The following MORN3 variants were observed in gnomAD, a reference collection of about 807,000 sequenced individuals.
MORN3 encodes MORN repeat containing 3.
MORN3 carries 38 observed loss-of-function variants against 34.7 expected under a neutral mutation model. The ratio of observed to expected loss-of-function variants is 1.10; its 90% CI spans 0.85 to 1.44. The LOEUF (loss-of-function observed/expected upper bound fraction) is 1.44, where lower values mean the gene tolerates loss of function less well. MORN3 is among the 40% of genes most tolerant of loss of function. The pLI is 0.00. For synonymous variants in MORN3, 109 were observed against 115.3 expected (o/e 0.95, Z 0.35); for missense variants, 311 against 321.7 (o/e 0.97, Z 0.25).
intron 1 of MORN3, among the ~76,000 whole-genome samples, chr12:121,668,990 C>T (rs55642824): frequency 0.054 from 8,198 of 152,188 alleles, 499 homozygotes; most frequent in African/African-American, 0.15. Flanking sequence ...TGCAAGCTGG[C>T]TTCAGGGGCG....
Position 121,654,180 on chromosome 12 carries a change from G to A in MORN3, c.463+94C>T, listed in dbSNP as rs569097085. ...GGTCAGTGTGGGACAAGAGTGTGGG[G>A]TGTGGCCTGTCTCTGTGGGACCAAA... On this transcript the variant is annotated intron_variant, in intron 3 of 5. Coordinates refer to ENST00000355329, the MANE Select transcript of MORN3 (RefSeq NM_173855.5). 4.0e-6 allele frequency: 4 copies of A among 1,010,252 alleles called. No homozygotes were observed. The East Asian group carries it at 8.0e-5, about 20-fold the overall frequency. 62.6% of individuals were successfully genotyped at this position (1,010,252 alleles called of 1,614,324 possible).
At chr12:121,654,485 AAG>A in intron 2 of MORN3, 52 bp from the exon 3 acceptor site, 11 of 1,510,264 alleles carry the variant, frequency 7.3e-6, no homozygotes, top group Non-Finnish European at 9.8e-6. Context: ...ACCACCAGGA[AAG>A]CCCACCGTCT....
At position 121,669,635 on chromosome 12, in the gene MORN3, G is replaced by A. The variant is rs1791321168; in HGVS notation, c.-152C>T. 1.8e-6 allele frequency: 2 copies of A among 1,088,208 alleles called. No individual in the cohort carries two copies. The highest frequency in any genetic ancestry group is 1.6e-5 in the African/African-American group (1 of 63,878). 67.4% of individuals were successfully genotyped at this position (1,088,208 alleles called of 1,614,324 possible). A position where few individuals can be genotyped will look rare whatever the true frequency, so the allele number is the denominator to read the frequency against. On this transcript the variant is annotated 5_prime_UTR_variant, in exon 1 of 6. Coordinates refer to ENST00000355329, the MANE Select transcript of MORN3 (RefSeq NM_173855.5). ...GGGGCAGGTGAACAGCCCTTAGTGG[G>A]GATCCTTTAGTGCTGGACTGACCTT...
chr12:121,662,973 G>A (rs369471347), intron 1 of MORN3, among the ~76,000 whole-genome samples: 9 of 151,904 alleles, frequency 5.9e-5, no homozygotes, highest in South Asian at 4.2e-4. Context: ...GCAACAGAGC[G>A]GGACTCCGTC....
intron 2 of MORN3, 127 bp downstream of exon 2, chr12:121,659,064 T>A: frequency 7.9e-7 from 1 of 1,264,200 alleles, no homozygotes; most frequent in Non-Finnish European, 1.1e-6. Flanking sequence ...AGCACAACCC[T>A]GTCCTCCTCC....
intron 3 of MORN3, 95 bp from the exon 4 acceptor site, chr12:121,653,354 A>C: frequency 3.1e-6 from 4 of 1,302,496 alleles, no homozygotes; most frequent in Non-Finnish European, 4.2e-6. Flanking sequence ...AAATCCTAAC[A>C]CATTGGGAGG....
chr12:121,653,804 C>CT (rs201648626), intron 3 of MORN3, among the ~76,000 whole-genome samples: 19 of 151,734 alleles, frequency 1.3e-4, no homozygotes, highest in East Asian at 3.9e-4. Flanking sequence ...CTGCGCCTGG[C>CT]TTTTTTTTTA....
chr12:121,663,518 G>A (rs1366052359), intron 1 of MORN3, among the ~76,000 whole-genome samples: 2 of 152,086 alleles, frequency 1.3e-5, no homozygotes, highest in Non-Finnish European at 2.9e-5. Flanking sequence ...AGACTTTTAA[G>A]AAAATATCTT....
At chr12:121,658,383 G>C (rs1305967765) in intron 2 of MORN3, among the ~76,000 whole-genome samples, 1 of 151,894 alleles carries the variant, frequency 6.6e-6, no homozygotes, top group East Asian at 1.9e-4. Context: ...TGGCTAACAC[G>C]GTGAAACCCC....
intron 4 of MORN3, 50 bp from the exon 5 acceptor site, chr12:121,652,858 C>T (rs376599992): frequency 4.4e-6 from 7 of 1,599,440 alleles, no homozygotes; most frequent in Non-Finnish European, 6.0e-6. Context: ...AGGACCCAGG[C>T]TGCCAGCCTT....
chr12:121,654,562 G>T, intron 2 of MORN3, 129 bp from the exon 3 acceptor site: 1 of 998,722 alleles, frequency 1.0e-6, no homozygotes, highest in Non-Finnish European at 1.4e-6. Flanking sequence ...ACGTCCAAGC[G>T]GAGGGTCGTG....
Position 121,651,923 on chromosome 12 carries a change from GGTTT to G in MORN3, c.*7-283_*7-280del, listed in dbSNP as rs199928766. Among the ~76,000 whole-genome samples, 830 of 151,986 alleles carry G rather than the reference GGTTT, an allele frequency of 5.5e-3. 2 individuals carry two copies. The highest frequency in any genetic ancestry group is 1.0e-2 in the African/African-American group (412 of 41,378). On this transcript the variant is annotated intron_variant, in intron 5 of 5. Transcript: ENST00000355329. The stretch of plus-strand genomic sequence containing the variant: ...GGAATGCACTGGTCTTCAGTGAAAT[GGTTT>G]GTTTGTTTGTTTATTTGTTTGTTTG...
At chr12:121,667,810 G>A (rs1453485509) in intron 1 of MORN3, among the ~76,000 whole-genome samples, 4 of 148,498 alleles carry the variant, frequency 2.7e-5, no homozygotes, top group Middle Eastern at 3.3e-3. Context: ...TGCAAGCTCC[G>A]CCTCCTGGGT....
At chr12:121,658,890 C>T (rs1893492443) in intron 2 of MORN3, among the ~76,000 whole-genome samples, 1 of 152,060 alleles carries the variant, frequency 6.6e-6, no homozygotes, top group South Asian at 2.1e-4. Context: ...AGCCAGGAAA[C>T]GAGGGGGAAA....
chr12:121,655,249 G>A (rs964111378), intron 2 of MORN3, among the ~76,000 whole-genome samples: 9 of 151,974 alleles, frequency 5.9e-5, no homozygotes, highest in Non-Finnish European at 1.3e-4. Context: ...TGGGGAGGCT[G>A]AGGCAGGAGA....
intron 2 of MORN3, among the ~76,000 whole-genome samples, chr12:121,656,868 A>C (rs1893432988): frequency 6.6e-6 from 1 of 151,986 alleles, no homozygotes; most frequent in Admixed American, 6.6e-5. Flanking sequence ...TCCTCTGGGC[A>C]CCCTGTGAAA....
intron 2 of MORN3, among the ~76,000 whole-genome samples, chr12:121,655,364 G>T (rs2136868998): frequency 6.6e-6 from 1 of 151,004 alleles, no homozygotes; most frequent in East Asian, 2.0e-4. Flanking sequence ...TCGCCCATCT[G>T]ATCATGCTCG....
chr12:121,671,778 G>T (rs1329281874), upstream of MORN3, among the ~76,000 whole-genome samples: 7 of 152,132 alleles, frequency 4.6e-5, no homozygotes, highest in South Asian at 4.1e-4. Context: ...TACTCGGGAG[G>T]CTGAGGCAGG....
intron 1 of MORN3, among the ~76,000 whole-genome samples, chr12:121,667,855 C>G (rs558646393): frequency 6.6e-6 from 1 of 152,064 alleles, no homozygotes; most frequent in East Asian, 1.9e-4. Context: ...TCCCGAGTAG[C>G]TGGGACTACA....
Sources: allele counts gnomAD v4.1 joint callset (sites outside exome capture counted in the v4.1 genomes callset), GRCh38; gene constraint gnomAD v4.1.1; transcripts MANE v1.5; gene names NCBI Gene and HGNC (gene_info 2026-07-23, HGNC 2026-07-21).